VAV3: variants seen among roughly 807,000 people sequenced by gnomAD.
The protein encoded by VAV3 is guanine nucleotide exchange factor VAV3.
Under a neutral mutation model 131.2 loss-of-function variants are expected in VAV3, and 94 were observed. That is an observed-to-expected ratio of 0.72 (90% CI 0.61 to 0.85). The LOEUF (loss-of-function observed/expected upper bound fraction) is 0.85. Ranked by LOEUF, VAV3 falls within the 40% of genes least tolerant of loss-of-function variation. VAV3 has a pLI of 0.00. For synonymous variants in VAV3, 349 were observed against 342.0 expected (o/e 1.02, Z -0.22); for missense variants, 939 against 1,002.7 (o/e 0.94, Z 0.86).
At chr1:107,712,102 A>C (rs887494834) in intron 15 of VAV3, among the ~76,000 whole-genome samples, 1 of 152,244 alleles carries the variant, frequency 6.6e-6, no homozygotes, top group African/African-American at 2.4e-5. Flanking sequence ...CCTTCCTTGC[A>C]AACCAACACA....
intron 1 of VAV3, among the ~76,000 whole-genome samples, chr1:107,955,209 A>G (rs1358693032): frequency 6.6e-6 from 1 of 152,152 alleles, no homozygotes; most frequent in African/African-American, 2.4e-5. Context: ...AGACAGGTTT[A>G]GTCACTTTCT....
At chr1:107,631,739 G>T (rs998219992) in intron 20 of VAV3, among the ~76,000 whole-genome samples, 1 of 147,688 alleles carries the variant, frequency 6.8e-6, no homozygotes, top group African/African-American at 2.5e-5. Context: ...TTGGTTTTTT[G>T]TCCTTGCGAT....
chr1:107,608,915 A>C (rs539340928), intron 22 of VAV3, among the ~76,000 whole-genome samples: 4 of 152,364 alleles, frequency 2.6e-5, no homozygotes, highest in Non-Finnish European at 5.9e-5. Context: ...ATAAATTAAA[A>C]ATAGATTCAG....
intron 25 of VAV3, among the ~76,000 whole-genome samples, chr1:107,587,278 A>T (rs1650575326): frequency 6.6e-6 from 1 of 152,240 alleles, no homozygotes; most frequent in Non-Finnish European, 1.5e-5. Context: ...TATTAAGAGC[A>T]AGAGAGCTGC....
intron 2 of VAV3, among the ~76,000 whole-genome samples, chr1:107,848,691 C>G (rs1262262900): frequency 6.6e-6 from 1 of 152,098 alleles, no homozygotes; most frequent in African/African-American, 2.4e-5. Context: ...TCTCACCACT[C>G]CTATTCAAAG....
chr1:107,586,484 G>A (rs900075853), intron 25 of VAV3, among the ~76,000 whole-genome samples: 18 of 152,160 alleles, frequency 1.2e-4, no homozygotes, highest in African/African-American at 3.4e-4. Flanking sequence ...GGAGGAAGGA[G>A]AAAGGGAAGG....
rs565363780 is a variant in VAV3, at chr1:107,650,560, T to TTTA, written c.1778-7808_1778-7806dup. ...TTTTATTTTATTATTTATTTATTTA[T>TTTA]TTATTATTATTATTATACTTTAAGT... is the stretch of plus-strand genomic sequence containing the variant. On this transcript the variant is annotated intron_variant, in intron 19 of 26. Coordinates refer to ENST00000370056, the MANE Select transcript of VAV3 (RefSeq NM_006113.5). Among the ~76,000 whole-genome samples, 60 of 149,948 alleles carry TTTA rather than the reference T, an allele frequency of 4.0e-4. No individual in the cohort carries two copies. In the East Asian group the frequency reaches 0.01, roughly 26 times the overall value.
At chr1:107,870,816 G>C (rs1367840189) in intron 2 of VAV3, among the ~76,000 whole-genome samples, 3 of 152,080 alleles carry the variant, frequency 2.0e-5, no homozygotes, top group African/African-American at 7.2e-5. Context: ...CCACTGGCCA[G>C]GTATGGATAC....
At chr1:107,763,342 T>C (rs554857605) in intron 9 of VAV3, among the ~76,000 whole-genome samples, 3 of 152,298 alleles carry the variant, frequency 2.0e-5, no homozygotes, top group South Asian at 2.1e-4. Flanking sequence ...AGTATGGTCA[T>C]TGGGCAAAAC....
At chr1:107,869,583 A>G (rs1020897885) in intron 2 of VAV3, among the ~76,000 whole-genome samples, 2 of 152,184 alleles carry the variant, frequency 1.3e-5, no homozygotes, top group Non-Finnish European at 2.9e-5. Flanking sequence ...AAGACTGTAT[A>G]CTAATAGGGA....
chr1:107,946,656 A>C (rs750320106), intron 1 of VAV3, among the ~76,000 whole-genome samples: 2 of 152,268 alleles, frequency 1.3e-5, no homozygotes, highest in Admixed American at 1.3e-4. Context: ...AAATAATCCA[A>C]ATAACTGATT....
At position 107,858,064 on chromosome 1, in the gene VAV3, A is replaced by T. The variant is rs1450002833; in HGVS notation, c.321+16837T>A. 5.9e-5 allele frequency among the ~76,000 whole-genome samples: 9 copies of T among 152,230 alleles called. No individual in the cohort carries two copies. In the East Asian group the frequency reaches 1.7e-3, roughly 29 times the overall value. On this transcript the variant is annotated intron_variant, in intron 2 of 26. Transcript: ENST00000370056. ...TCTGGCAATAATAAATGTAATAAAG[A>T]ATATGCTTATACATTTTATACTTTT...
chr1:107,821,484 C>T (rs899166383), intron 2 of VAV3, among the ~76,000 whole-genome samples: 1 of 152,136 alleles, frequency 6.6e-6, no homozygotes, highest in Non-Finnish European at 1.5e-5. Context: ...TGACATAAAA[C>T]CTTCAAAGAG....
intron 17 of VAV3, among the ~76,000 whole-genome samples, chr1:107,698,853 A>G (rs2494060): frequency 0.016 from 2,395 of 152,238 alleles, 82 homozygotes; most frequent in African/African-American, 0.055. Flanking sequence ...GAGCAGGGAA[A>G]ACTGCCTTAT....
At chr1:107,956,830 G>C (rs577494276) in intron 1 of VAV3, among the ~76,000 whole-genome samples, 35 of 152,158 alleles carry the variant, frequency 2.3e-4, no homozygotes, top group Non-Finnish European at 3.2e-4. Context: ...TGTAAGCAGG[G>C]AATAAGTAAC....
intron 1 of VAV3, among the ~76,000 whole-genome samples, chr1:107,952,638 A>G (rs1354974709): frequency 2.0e-5 from 3 of 151,800 alleles, no homozygotes; most frequent in Non-Finnish European, 4.4e-5. Context: ...CCCACCTACC[A>G]AACTTTAGCC....
intron 17 of VAV3, among the ~76,000 whole-genome samples, chr1:107,702,918 C>T (rs1382738856): frequency 6.6e-6 from 1 of 152,126 alleles, no homozygotes; most frequent in Non-Finnish European, 1.5e-5. Flanking sequence ...TAATAATCGT[C>T]TAATTTACAA....
At chr1:107,910,689 T>C (rs1672323829) in intron 1 of VAV3, among the ~76,000 whole-genome samples, 1 of 152,200 alleles carries the variant, frequency 6.6e-6, no homozygotes, top group Non-Finnish European at 1.5e-5. Context: ...TTTTAAAGGG[T>C]AGGCTTGAGG....
chr1:107,632,089 C>T (rs1654544671), intron 20 of VAV3, among the ~76,000 whole-genome samples: 1 of 152,128 alleles, frequency 6.6e-6, no homozygotes, highest in Non-Finnish European at 1.5e-5. Flanking sequence ...TTTACAGTCC[C>T]ACCAACAGTG....
Sources: gnomAD v4.1 joint callset for allele counts (sites outside exome capture counted in the v4.1 genomes callset) on GRCh38, gnomAD v4.1.1 for gene constraint, MANE v1.5 for transcripts, NCBI Gene and HGNC (gene_info 2026-07-23, HGNC 2026-07-21) for gene names.